Variants in NMD3 observed in about 807,000 individuals in gnomAD.
The protein encoded by NMD3 is NMD3 ribosome export adaptor, also known as 60S ribosomal export protein NMD3.
NMD3 carries 47 observed loss-of-function variants against 73.1 expected under a neutral mutation model. The ratio of observed to expected loss-of-function variants is 0.64; its 90% CI spans 0.51 to 0.82. The LOEUF is 0.82. Among genes scored for constraint, NMD3 ranks in the 40% least tolerant of loss-of-function variants. The probability of loss-of-function intolerance (pLI) is 0.00; values close to 1 mark genes in which losing one functional copy is unlikely to be tolerated. For synonymous variants in NMD3, 210 were observed against 194.5 expected, an observed-to-expected ratio of 1.08 and a Z score of -0.66; for missense variants, 554 against 612.5, an observed-to-expected ratio of 0.90 and a Z score of 1.01.
intron 6 of NMD3, 43 bp from the exon 7 acceptor site, chr3:161,235,079 C>CT (rs749462912): frequency 8.1e-6 from 9 of 1,115,698 alleles, no homozygotes; most frequent in South Asian, 5.8e-5. Flanking sequence ...CTATAAATGG[C>CT]TTTTTTGTGG....
chr3:161,244,726 C>T (rs188647579), intron 11 of NMD3, among the ~76,000 whole-genome samples: 2 of 148,224 alleles, frequency 1.3e-5, no homozygotes, highest in Admixed American at 1.4e-4. Context: ...TCACTGGAAC[C>T]TTGAGGTTGT....
intron 3 of NMD3, among the ~76,000 whole-genome samples, chr3:161,225,370 G>T (rs1736273013): frequency 6.6e-6 from 1 of 152,112 alleles, no homozygotes; most frequent in African/African-American, 2.4e-5. Context: ...GCAGATTATT[G>T]AGGACATATT....
chr3:161,223,478 A>G (rs1405712457), intron 2 of NMD3, among the ~76,000 whole-genome samples: 1 of 144,730 alleles, frequency 6.9e-6, no homozygotes, highest in African/African-American at 2.6e-5. Flanking sequence ...AAATGTTTAT[A>G]TTTCAGCAGT....
chr3:161,225,139 T>G, intron 3 of NMD3, 75 bp downstream of exon 3: 2 of 1,465,256 alleles, frequency 1.4e-6, no homozygotes, highest in South Asian at 2.5e-5. Flanking sequence ...ATGCTGAGAT[T>G]ACACGAAGGT....
intron 4 of NMD3, among the ~76,000 whole-genome samples, chr3:161,230,167 T>G (rs896898427): frequency 1.3e-5 from 2 of 152,198 alleles, no homozygotes; most frequent in African/African-American, 4.8e-5. Context: ...GGCGCTGTCA[T>G]GTCTCACTGC....
intron 9 of NMD3, among the ~76,000 whole-genome samples, chr3:161,239,774 A>G (rs1736899967): frequency 6.6e-6 from 1 of 152,238 alleles, no homozygotes; most frequent in Admixed American, 6.5e-5. Context: ...TTCTCTGTAA[A>G]GAGACAGATG....
chr3:161,227,127 A>AT (rs1736349092), intron 3 of NMD3, 120 bp from the exon 4 acceptor site: 1 of 596,846 alleles, frequency 1.7e-6, no homozygotes, highest in Non-Finnish European at 3.0e-6. Context: ...TAAGTGCTTC[A>AT]TATCATCCTT....
At chr3:161,226,425 G>A (rs1290368985) in intron 3 of NMD3, among the ~76,000 whole-genome samples, 1 of 151,956 alleles carries the variant, frequency 6.6e-6, no homozygotes, top group African/African-American at 2.4e-5. Flanking sequence ...CCATCCTGGG[G>A]GATGGAGCGA....
At position 161,235,142 on chromosome 3, in the gene NMD3, C is replaced by G; in HGVS notation, c.507C>G (p.Phe169Leu). 1.3e-6 allele frequency: 2 copies of G among 1,531,484 alleles called. No homozygotes were observed. 94.9% of individuals were successfully genotyped at this position (1,531,484 alleles called of 1,614,324 possible). A position where few individuals can be genotyped will look rare whatever the true frequency, so the allele number is the denominator to read the frequency against. ...TTTAGACTTTGCATAAAAAAACTTT[C>G]TACTATCTGGAACAGTTAATTCTGA... ...VRQKTLHKKT[F>L]YYLEQLILKY... Residue 169 changes from phenylalanine to leucine, a missense_variant, in exon 7 of 16, where the codon TTC (phenylalanine) becomes TTG (leucine). Transcript: ENST00000351193.
intron 5 of NMD3, 53 bp downstream of exon 5, chr3:161,233,532 A>T: frequency 1.8e-6 from 2 of 1,082,934 alleles, no homozygotes; most frequent in Non-Finnish European, 2.8e-6. Context: ...AGTGAAAATG[A>T]AGACCCAGTG....
chr3:161,227,233 A>G lies in NMD3; in HGVS notation c.180-14A>G, dbSNP rs1279962664. 1 of 1,530,044 alleles carries G rather than the reference A, an allele frequency of 6.5e-7. No homozygotes were observed. Among genetic ancestry groups the G allele is most frequent in the South Asian group, 1.1e-5 (1 of 87,482 alleles). The allele number at this position is 1,530,044 out of a possible 1,614,324, so 94.8% of individuals were successfully genotyped here. A position where few individuals can be genotyped will look rare whatever the true frequency, so the allele number is the denominator to read the frequency against. Reference sequence around the variant, plus strand: ...GACAGATGTTGGATTTCAGTATGTTATCTTCTCTTTTAGGTATTTTCAACC... The same window carrying G: ...GACAGATGTTGGATTTCAGTATGTTGTCTTCTCTTTTAGGTATTTTCAACC... On this transcript the variant is annotated splice_polypyrimidine_tract_variant and intron_variant, in intron 3 of 15. Transcript: ENST00000351193.
chr3:161,246,435 G>C lies in NMD3; in HGVS notation c.1117G>C (p.Asp373His), dbSNP rs149764703. Residue 373 changes from aspartate to histidine, a missense_variant, in exon 12 of 16, where the codon GAC becomes CAC. Physicochemically the swap from Asp to His is moderately conservative, Grantham distance 81. Transcript: ENST00000351193. ...TTTGGGACATCTTCTAAATCCCGGA[G>C]ACCTGGTGTTAGGGTTTGTATTATT... Reference protein sequence around the residue: ...THLGHLLNPGDLVLGFDLANC... With the variant: ...THLGHLLNPGHLVLGFDLANC... The C allele has an allele frequency of 1.1e-4, 164 of 1,463,318 alleles. No individual in the cohort carries two copies. The highest frequency in any genetic ancestry group is 1.5e-4 in the Non-Finnish European group (157 of 1,063,682). 90.6% of individuals were successfully genotyped at this position (1,463,318 alleles called of 1,614,324 possible).
At position 161,241,429 on chromosome 3, in the gene NMD3, T is replaced by C. The variant is rs139351236; in HGVS notation, c.871+266T>C. On this transcript the variant is annotated intron_variant, in intron 10 of 15. Coordinates refer to ENST00000351193, the MANE Select transcript of NMD3 (RefSeq NM_015938.5). ...TTTTTACTGAAATTGACTTTTTTTT[T>C]TTTTTTTTTGAGATGGAGTCTGGCT... is the stretch of plus-strand genomic sequence containing the variant. Among the ~76,000 whole-genome samples, 770 of 150,420 alleles carry C rather than the reference T, an allele frequency of 5.1e-3. 5 individuals carry two copies. Among genetic ancestry groups the C allele is most frequent in the African/African-American group, 0.017 (711 of 41,040 alleles).
intron 8 of NMD3, 111 bp downstream of exon 8, chr3:161,238,302 ATACT>A: frequency 1.4e-6 from 1 of 724,868 alleles, no homozygotes; most frequent in East Asian, 2.6e-5. Flanking sequence ...CGTAGTAGAA[ATACT>A]TACACAATCA....
intron 4 of NMD3, 85 bp downstream of exon 4, chr3:161,227,428 T>C (rs1275513815): frequency 2.8e-6 from 2 of 711,734 alleles, no homozygotes; most frequent in Non-Finnish European, 4.7e-6. Flanking sequence ...AGTAGGTTTT[T>C]CAAAAGGAAT....
chr3:161,227,478 T>G, intron 4 of NMD3, 135 bp downstream of exon 4: 1 of 557,274 alleles, frequency 1.8e-6, no homozygotes, highest in Non-Finnish European at 3.1e-6. Context: ...GGTCTTGAAC[T>G]GTCACCTGGG....
intron 4 of NMD3, 29 bp from the exon 5 acceptor site, chr3:161,233,370 C>T (rs374639560): frequency 5.8e-5 from 88 of 1,529,652 alleles, no homozygotes; most frequent in Admixed American, 2.8e-4. Context: ...TGAGAACTTA[C>T]GTTTCTTTTT....
intron 4 of NMD3, among the ~76,000 whole-genome samples, chr3:161,230,205 C>A (rs530683420): frequency 1.1e-4 from 17 of 152,242 alleles, no homozygotes; most frequent in African/African-American, 3.9e-4. Context: ...CTCAGGTGAT[C>A]CTTCTGCCTC....
At chr3:161,222,318 C>G (rs573504776) in intron 2 of NMD3, among the ~76,000 whole-genome samples, 2 of 151,868 alleles carry the variant, frequency 1.3e-5, no homozygotes, top group African/African-American at 2.4e-5. Flanking sequence ...TAGCCATTAG[C>G]TACGTGTGGC....
Sources: allele counts gnomAD v4.1 joint callset (sites outside exome capture counted in the v4.1 genomes callset), GRCh38; gene constraint gnomAD v4.1.1; transcripts MANE v1.5; gene names NCBI Gene and HGNC (gene_info 2026-07-23, HGNC 2026-07-21).